The following TBC1D12 variants were observed in gnomAD, a reference collection of about 807,000 sequenced individuals.
The protein encoded by TBC1D12 is TBC1 domain family, member 12.
A neutral mutation model predicts 86.7 loss-of-function variants in TBC1D12; 56 were observed. That is an observed-to-expected ratio of 0.65 (90% confidence interval 0.52 to 0.81). The LOEUF (loss-of-function observed/expected upper bound fraction) is 0.81. TBC1D12 is among the 30% of genes least tolerant of loss of function. The pLI is 0.00. For missense variants in TBC1D12, 1,023 were observed against 1,038.8 expected (o/e 0.98, Z 0.21); for synonymous variants, 421 against 411.7 (o/e 1.02, Z -0.27).
intron 6 of TBC1D12, 37 bp from the exon 7 acceptor site, chr10:94,507,230 A>G (rs2056470576): frequency 3.8e-6 from 6 of 1,576,634 alleles, no homozygotes; most frequent in African/African-American, 2.7e-5. Flanking sequence ...TTTCTTTCCT[A>G]TTATTCATAC....
At chr10:94,508,439 T>TTCTCTC (rs150817641) in intron 7 of TBC1D12, 2 of 149,238 alleles carry the variant, frequency 1.3e-5, no homozygotes, top group African/African-American at 2.4e-5. Flanking sequence ...CCAATTCTTT[T>TTCTCTC]TCTCTCTCTC....
intron 5 of TBC1D12, among the ~76,000 whole-genome samples, chr10:94,499,765 A>G (rs1253447241): frequency 3.9e-5 from 6 of 152,228 alleles, no homozygotes; most frequent in Non-Finnish European, 8.8e-5. Context: ...AAGGTTATAC[A>G]TTTAATTAAT....
chr10:94,411,760 G>C (rs1350193007), intron 1 of TBC1D12, among the ~76,000 whole-genome samples: 1 of 152,104 alleles, frequency 6.6e-6, no homozygotes, highest in Admixed American at 6.5e-5. Flanking sequence ...GGAGTTCAAG[G>C]CTGCCTAGGC....
At chr10:94,434,366 C>T (rs538576539) in intron 1 of TBC1D12, among the ~76,000 whole-genome samples, 7 of 151,588 alleles carry the variant, frequency 4.6e-5, no homozygotes, top group Non-Finnish European at 8.8e-5. Flanking sequence ...ATTAGCCAGG[C>T]GTGGTGGTGT....
chr10:94,409,373 A>AC (rs2054899122), intron 1 of TBC1D12, among the ~76,000 whole-genome samples: 1 of 137,506 alleles, frequency 7.3e-6, no homozygotes, highest in Admixed American at 7.5e-5. Context: ...AATTAAATTA[A>AC]CTTTTTTTTT....
intron 3 of TBC1D12, among the ~76,000 whole-genome samples, chr10:94,481,129 C>T (rs2056072526): frequency 6.7e-6 from 1 of 148,168 alleles, no homozygotes; most frequent in African/African-American, 2.5e-5. Context: ...CATGTCCTGT[C>T]ATCCAGGCTT....
chr10:94,520,350 C>G (rs1564989780), intron 9 of TBC1D12, among the ~76,000 whole-genome samples: 1 of 151,900 alleles, frequency 6.6e-6, no homozygotes, highest in Non-Finnish European at 1.5e-5. Flanking sequence ...GTCGGGAGTT[C>G]AAGACCAGCC....
At chr10:94,411,371 C>T (rs943510924) in intron 1 of TBC1D12, among the ~76,000 whole-genome samples, 18 of 152,122 alleles carry the variant, frequency 1.2e-4, no homozygotes, top group Admixed American at 6.6e-4. Flanking sequence ...ATGAAGGTTG[C>T]CACTGTAGCA....
intron 2 of TBC1D12, chr10:94,447,629 T>C (rs2055488790): frequency 2.0e-6 from 2 of 985,318 alleles, no homozygotes; most frequent in South Asian, 4.7e-5. Flanking sequence ...ATGTGTTCTC[T>C]TGCAGATGTG....
intron 1 of TBC1D12, among the ~76,000 whole-genome samples, chr10:94,429,720 C>CA: frequency 6.6e-6 from 1 of 152,160 alleles, no homozygotes; most frequent in East Asian, 1.9e-4. Flanking sequence ...TTTACTCTTT[C>CA]AATTGATTCT....
intron 3 of TBC1D12, among the ~76,000 whole-genome samples, chr10:94,480,277 C>T (rs775660081): frequency 6.6e-6 from 1 of 152,134 alleles, no homozygotes; most frequent in Non-Finnish European, 1.5e-5. Context: ...CTCAAGGGGA[C>T]CCATCATCTT....
chr10:94,492,312 T>G (rs935278780), intron 3 of TBC1D12, among the ~76,000 whole-genome samples: 3 of 152,204 alleles, frequency 2.0e-5, no homozygotes, highest in Non-Finnish European at 2.9e-5. Context: ...ATGCAAATGA[T>G]GGATGATCCA....
chr10:94,426,153 T>A (rs1372549737), intron 1 of TBC1D12, among the ~76,000 whole-genome samples: 1 of 152,142 alleles, frequency 6.6e-6, no homozygotes, highest in Non-Finnish European at 1.5e-5. Flanking sequence ...TAACTTAATT[T>A]TTCTTGTCTT....
At chr10:94,480,211 G>A (rs1339964612) in intron 3 of TBC1D12, among the ~76,000 whole-genome samples, 1 of 152,126 alleles carries the variant, frequency 6.6e-6, no homozygotes, top group African/African-American at 2.4e-5. Flanking sequence ...AGCCCCTTTG[G>A]GGAAGGCTGG....
At chr10:94,497,590 G>A (rs976163128) in intron 5 of TBC1D12, among the ~76,000 whole-genome samples, 5 of 139,712 alleles carry the variant, frequency 3.6e-5, no homozygotes, top group Admixed American at 2.3e-4. Context: ...CGTGGTCTCC[G>A]CTCACTGCAA....
chr10:94,522,189 CATTAT>C lies in TBC1D12; in HGVS notation c.1890+113_1890+117del, dbSNP rs1289282106. The C allele has an allele frequency of 1.4e-5, 19 of 1,344,966 alleles. No individual in the cohort carries two copies. In the East Asian group the frequency reaches 1.7e-4, roughly 12 times the overall value. The allele number at this position is 1,344,966 out of a possible 1,614,324, so 83.3% of individuals were successfully genotyped here. On this transcript the variant is annotated intron_variant, in intron 10 of 12. Coordinates refer to ENST00000225235, the MANE Select transcript of TBC1D12 (RefSeq NM_015188.2). ...ACAATCTAATCTAATATAAACTTATCATTATATTATAGTTTATTAATGAATGTTTG... is the reference window on the plus strand; with the variant it reads ...ACAATCTAATCTAATATAAACTTATCATTATAGTTTATTAATGAATGTTTG...
intron 1 of TBC1D12, among the ~76,000 whole-genome samples, chr10:94,421,433 C>T (rs1240753310): frequency 6.6e-6 from 1 of 152,202 alleles, no homozygotes; most frequent in Non-Finnish European, 1.5e-5. Flanking sequence ...CATTGATGGA[C>T]ACTTGGGTTG....
intron 1 of TBC1D12, among the ~76,000 whole-genome samples, chr10:94,413,593 T>C (rs2054956332): frequency 1.3e-5 from 2 of 152,214 alleles, no homozygotes; most frequent in Admixed American, 6.5e-5. Context: ...CCCATGTGAC[T>C]GTCTGGGTTT....
intron 1 of TBC1D12, among the ~76,000 whole-genome samples, chr10:94,423,918 T>C (rs2134066079): frequency 6.6e-6 from 1 of 152,334 alleles, no homozygotes; most frequent in South Asian, 2.1e-4. Context: ...TCCACATCTA[T>C]GGATTCAACC....
Sources: gnomAD v4.1 joint callset for allele counts (sites outside exome capture counted in the v4.1 genomes callset) on GRCh38, gnomAD v4.1.1 for gene constraint, MANE v1.5 for transcripts, NCBI Gene and HGNC (gene_info 2026-07-23, HGNC 2026-07-21) for gene names.